Variants in NR3C2 observed in about 807,000 individuals in gnomAD.
NR3C2 encodes mineralocorticoid receptor.
NR3C2 carries 15 observed loss-of-function variants against 86.4 expected under a neutral mutation model. The observed-to-expected ratio is 0.17, with a 90% CI of 0.12 to 0.27. NR3C2 has a LOEUF of 0.27. NR3C2 is among the 10% of genes least tolerant of loss of function. The probability of loss-of-function intolerance (pLI) is 1.00; values close to 1 mark genes in which losing one functional copy is unlikely to be tolerated. For synonymous variants in NR3C2, 458 were observed against 450.5 expected (o/e 1.02, Z -0.21); for missense variants, 960 against 1,195.6 (o/e 0.80, Z 2.91).
At chr4:148,201,342 C>T (rs1736712117) in intron 3 of NR3C2, among the ~76,000 whole-genome samples, 1 of 152,166 alleles carries the variant, frequency 6.6e-6, no homozygotes, top group Non-Finnish European at 1.5e-5. Flanking sequence ...ACAACCATTT[C>T]AGAAAAAGGA....
upstream of NR3C2, chr4:148,443,973 C>T (rs1376360388): frequency 1.0e-6 from 1 of 983,844 alleles, no homozygotes; most frequent in East Asian, 1.1e-4. Context: ...ACTCTAATGC[C>T]CCTCGGTCCC....
chr4:148,222,068 A>C (rs1463787207), intron 3 of NR3C2, among the ~76,000 whole-genome samples: 2 of 152,142 alleles, frequency 1.3e-5, no homozygotes, highest in Admixed American at 6.6e-5. Flanking sequence ...CATAATAAGC[A>C]ATAATTAAGT....
At chr4:148,248,059 C>G (rs952909307) in intron 3 of NR3C2, among the ~76,000 whole-genome samples, 1 of 152,190 alleles carries the variant, frequency 6.6e-6, no homozygotes, top group Middle Eastern at 3.4e-3. Context: ...AAATCCTAAT[C>G]TGATGTGTAA....
At chr4:148,423,589 G>A (rs1378192091) in intron 2 of NR3C2, among the ~76,000 whole-genome samples, 1 of 152,208 alleles carries the variant, frequency 6.6e-6, no homozygotes, top group Non-Finnish European at 1.5e-5. Context: ...ACACTCATGT[G>A]AGCTATCTTC....
rs190164433 is a variant in NR3C2 at position 148,371,694 on chromosome 4, T to C, written c.1757+63410A>G. On this transcript the variant is annotated intron_variant, in intron 2 of 8. Coordinates refer to ENST00000358102, the MANE Select transcript of NR3C2 (RefSeq NM_000901.5). ...GATACCAAATTTACACTGTACACTT[T>C]CCTTAAATTTTTGATAAAATAAAAA... 1.6e-3 allele frequency among the ~76,000 whole-genome samples: 238 copies of C among 152,216 alleles called. 2 individuals are homozygous for C. The highest frequency in any genetic ancestry group is 3.7e-3 in the Admixed American group (57 of 15,298).
intron 2 of NR3C2, among the ~76,000 whole-genome samples, chr4:148,327,464 G>A (rs558287536): frequency 2.6e-5 from 4 of 152,100 alleles, no homozygotes; most frequent in Non-Finnish European, 5.9e-5. Context: ...TCGGATCCTG[G>A]GGACAATTAC....
At chr4:148,212,834 A>T (rs1044563029) in intron 3 of NR3C2, among the ~76,000 whole-genome samples, 4 of 152,236 alleles carry the variant, frequency 2.6e-5, no homozygotes, top group African/African-American at 9.6e-5. Flanking sequence ...CTGCCTCTTT[A>T]TAAGGACCTA....
Position 148,435,230 on chromosome 4 carries a change from A to G in NR3C2, c.1631T>C (p.Phe544Ser), listed in dbSNP as rs747594294. ...AGGAGGAAAGGAACTCAGGTGTTGG[A>G]AAGATTGGTCTCTAGCCGATCGTGA... ...SLSRSARDQS[F>S]QHLSSFPPVN... The change falls in exon 2 of 9, where the codon TTC becomes TCC. Residue 544 changes from phenylalanine to serine, a missense_variant. This residue lies in a region of NR3C2 where 680 missense variants were observed against 719.0 expected (regional missense o/e 0.95). Transcript: ENST00000358102. 11 of 1,614,080 alleles carry G rather than the reference A, an allele frequency of 6.8e-6. No individual in the cohort carries two copies. In the South Asian group the frequency reaches 1.2e-4, roughly 18 times the overall value.
chr4:148,406,670 A>T (rs2126551454), intron 2 of NR3C2, among the ~76,000 whole-genome samples: 2 of 152,268 alleles, frequency 1.3e-5, no homozygotes, highest in South Asian at 4.1e-4. Flanking sequence ...GAGAAATAGG[A>T]GGCCGGTAAA....
chr4:148,370,732 A>C (rs548608936), intron 2 of NR3C2, among the ~76,000 whole-genome samples: 22 of 152,328 alleles, frequency 1.4e-4, no homozygotes, highest in African/African-American at 4.1e-4. Flanking sequence ...ACTATAAAAT[A>C]AAGAGGGATC....
intron 2 of NR3C2, among the ~76,000 whole-genome samples, chr4:148,275,858 G>A (rs1293222784): frequency 6.6e-6 from 1 of 152,104 alleles, no homozygotes; most frequent in Non-Finnish European, 1.5e-5. Context: ...AAGCGATTTT[G>A]AAGAAATTTC....
chr4:148,409,314 A>G (rs904930016), intron 2 of NR3C2, among the ~76,000 whole-genome samples: 4 of 152,118 alleles, frequency 2.6e-5, no homozygotes, highest in African/African-American at 9.6e-5. Flanking sequence ...TACGTTTATT[A>G]GCCTTTTATA....
At chr4:148,121,810 A>T (rs1732515663) in intron 6 of NR3C2, among the ~76,000 whole-genome samples, 1 of 152,244 alleles carries the variant, frequency 6.6e-6, no homozygotes, top group Non-Finnish European at 1.5e-5. Context: ...AACTAAGTTA[A>T]TTCATTTTAA....
intron 4 of NR3C2, among the ~76,000 whole-genome samples, chr4:148,166,670 T>G (rs1734893019): frequency 6.6e-6 from 1 of 152,166 alleles, no homozygotes; most frequent in Non-Finnish European, 1.5e-5. Flanking sequence ...ATATGTAAGA[T>G]ACCAACTCAC....
chr4:148,088,500 T>C (rs1730917048), intron 8 of NR3C2, among the ~76,000 whole-genome samples: 1 of 151,918 alleles, frequency 6.6e-6, no homozygotes, highest in African/African-American at 2.4e-5. Context: ...ATAAAGAAAA[T>C]GTGGCACATA....
chr4:148,330,301 C>T (rs1744166523), intron 2 of NR3C2, among the ~76,000 whole-genome samples: 2 of 152,236 alleles, frequency 1.3e-5, no homozygotes, highest in South Asian at 4.1e-4. Context: ...TCACAATTGA[C>T]GACGCCTCTG....
intron 2 of NR3C2, among the ~76,000 whole-genome samples, chr4:148,412,733 T>C (rs1748767617): frequency 6.6e-6 from 1 of 152,234 alleles, no homozygotes; most frequent in Admixed American, 6.5e-5. Context: ...AATTTTTATC[T>C]TTTAATCTGT....
chr4:148,333,666 T>G (rs574197503), intron 2 of NR3C2, among the ~76,000 whole-genome samples: 7 of 152,212 alleles, frequency 4.6e-5, no homozygotes, highest in Admixed American at 4.6e-4. Flanking sequence ...CACATTTTTT[T>G]TGTATCTATA....
At chr4:148,406,087 GC>G (rs1438409277) in intron 2 of NR3C2, among the ~76,000 whole-genome samples, 7 of 152,118 alleles carry the variant, frequency 4.6e-5, no homozygotes, top group African/African-American at 1.7e-4. Context: ...GACTGCTTGA[GC>G]CCAGGAGACT....
Sources: gnomAD v4.1 joint callset for allele counts (sites outside exome capture counted in the v4.1 genomes callset) on GRCh38, gnomAD v4.1.1 for gene constraint, gnomAD v4.1.1 regional missense constraint, MANE v1.5 for transcripts, NCBI Gene and HGNC (gene_info 2026-07-23, HGNC 2026-07-21) for gene names.